Variants in NLGN1 observed in about 807,000 individuals in gnomAD.
NLGN1 encodes the protein neuroligin-1.
NLGN1 carries 12 observed loss-of-function variants against 65.5 expected under a neutral mutation model. That is an observed-to-expected ratio of 0.18 (90% confidence interval 0.12 to 0.30). NLGN1 has a LOEUF of 0.30. NLGN1 is among the 10% of genes least tolerant of loss of function. NLGN1 has a pLI of 1.00. For synonymous variants in NLGN1, 350 were observed against 359.5 expected (o/e 0.97, Z 0.30); for missense variants, 750 against 1,007.1 (o/e 0.74, Z 3.46).
chr3:173,771,449 GA>G (rs1215231731), intron 3 of NLGN1, among the ~76,000 whole-genome samples: 5 of 152,062 alleles, frequency 3.3e-5, no homozygotes, highest in Non-Finnish European at 7.4e-5. Context: ...TATAATTCAA[GA>G]AAAATTTAGA....
intron 4 of NLGN1, among the ~76,000 whole-genome samples, chr3:174,040,133 C>A (rs1371885008): frequency 6.6e-6 from 1 of 152,172 alleles, no homozygotes; most frequent in African/African-American, 2.4e-5. Flanking sequence ...ATACAGGTTG[C>A]CCCATTCCTC....
intron 4 of NLGN1, among the ~76,000 whole-genome samples, chr3:174,132,719 A>G (rs1720442516): frequency 6.6e-6 from 1 of 152,158 alleles, no homozygotes; most frequent in African/African-American, 2.4e-5. Context: ...TAATGAGATT[A>G]TTTTATATGA....
In NLGN1 at chr3:173,634,826, C is replaced by T. The variant is rs564744071; in HGVS notation, c.493+29735C>T. On this transcript the variant is annotated intron_variant, in intron 3 of 6. Transcript: ENST00000457714. ...ACATCTGAGACAGAGAGAGCTGGAC[C>T]AGGATAGGACTGAAGGAGGACTGAG... is the stretch of plus-strand genomic sequence containing the variant. Among the ~76,000 whole-genome samples the T allele has an allele frequency of 2.0e-5, 3 of 152,050 alleles. No individual in the cohort carries two copies. In the South Asian group the frequency reaches 6.2e-4, roughly 32 times the overall value.
chr3:174,014,317 T>A (rs545780639), intron 4 of NLGN1, among the ~76,000 whole-genome samples: 2 of 152,250 alleles, frequency 1.3e-5, no homozygotes, highest in African/African-American at 4.8e-5. Flanking sequence ...GACTTCTTAA[T>A]ACACCATTTT....
At chr3:173,596,585 A>G (rs1050507124) in intron 2 of NLGN1, among the ~76,000 whole-genome samples, 2 of 152,322 alleles carry the variant, frequency 1.3e-5, no homozygotes, top group Non-Finnish European at 2.9e-5. Flanking sequence ...AGTTAGCTCA[A>G]TGTTTAGCCC....
intron 4 of NLGN1, among the ~76,000 whole-genome samples, chr3:174,056,238 C>T (rs1440442857): frequency 6.6e-6 from 1 of 151,794 alleles, no homozygotes; most frequent in African/African-American, 2.4e-5. Flanking sequence ...TATATTTTGC[C>T]GTGATGTAAT....
At chr3:174,247,452 G>T (rs548032625) in intron 4 of NLGN1, among the ~76,000 whole-genome samples, 24 of 152,232 alleles carry the variant, frequency 1.6e-4, no homozygotes, top group Non-Finnish European at 3.4e-4. Flanking sequence ...TTAAGAGTCT[G>T]TCTCTCAAAA....
At chr3:173,698,090 C>CT (rs1273448176) in intron 3 of NLGN1, among the ~76,000 whole-genome samples, 1 of 149,824 alleles carries the variant, frequency 6.7e-6, no homozygotes, top group Non-Finnish European at 1.5e-5. Flanking sequence ...AGCTTAAAAA[C>CT]TTTTTCCCAT....
chr3:174,223,869 CCT>C (rs1467636832), intron 4 of NLGN1, among the ~76,000 whole-genome samples: 1 of 152,094 alleles, frequency 6.6e-6, no homozygotes, highest in East Asian at 1.9e-4. Flanking sequence ...GCATTTTCTC[CCT>C]GAGTTAATGA....
In NLGN1 at chr3:174,151,246, A is replaced by G. The variant is rs527382759; in HGVS notation, c.647-124069A>G. On this transcript the variant is annotated intron_variant, in intron 4 of 6. Transcript: ENST00000457714. ...CACTTACCCTCACTTTTACAAGCTT[A>G]ATAACATGTTTTTGTATAGTACCTT... Among the ~76,000 whole-genome samples, 7 of 152,184 alleles carry G rather than the reference A, an allele frequency of 4.6e-5. No homozygotes were observed. The South Asian group carries it at 1.0e-3, about 23-fold the overall frequency.
intron 4 of NLGN1, among the ~76,000 whole-genome samples, chr3:174,146,727 C>A (rs561389434): frequency 1.3e-5 from 2 of 151,918 alleles, no homozygotes; most frequent in African/African-American, 2.4e-5. Flanking sequence ...GCCACTGCGC[C>A]GGGCTAATTT....
At chr3:173,989,589 TCTCA>T (rs1692219120) in intron 4 of NLGN1, among the ~76,000 whole-genome samples, 1 of 152,190 alleles carries the variant, frequency 6.6e-6, no homozygotes, top group Non-Finnish European at 1.5e-5. Flanking sequence ...AAATCTCTGA[TCTCA>T]CTCACTATAA....
At chr3:173,429,719 CA>C (rs1482181510) in intron 1 of NLGN1, among the ~76,000 whole-genome samples, 39 of 152,308 alleles carry the variant, frequency 2.6e-4, no homozygotes, top group African/African-American at 8.2e-4. Flanking sequence ...CACTAGATGA[CA>C]CCCTTGCTCA....
chr3:173,517,787 T>TATCTATCTATCTATC (rs1376124852), intron 2 of NLGN1, among the ~76,000 whole-genome samples: 1 of 151,270 alleles, frequency 6.6e-6, no homozygotes, highest in East Asian at 1.9e-4. Flanking sequence ...TCTATCTATC[T>TATCTATCTATCTATC]ATCTATCTAT....
At chr3:173,992,310 A>G (rs1255060457) in intron 4 of NLGN1, among the ~76,000 whole-genome samples, 1 of 152,182 alleles carries the variant, frequency 6.6e-6, no homozygotes, top group Non-Finnish European at 1.5e-5. Flanking sequence ...GTGATCCACT[A>G]AAATGTGTCA....
intron 2 of NLGN1, among the ~76,000 whole-genome samples, chr3:173,596,317 G>A (rs1222185899): frequency 1.3e-5 from 2 of 152,074 alleles, no homozygotes; most frequent in Non-Finnish European, 2.9e-5. Context: ...AACTTTTGGG[G>A]GCTGCCCACG....
chr3:173,795,057 C>A (rs933712985), intron 3 of NLGN1, among the ~76,000 whole-genome samples: 11 of 152,006 alleles, frequency 7.2e-5, no homozygotes, highest in Non-Finnish European at 1.5e-5. Context: ...CTTCTTCCAA[C>A]ACAAAACTAA....
At chr3:173,798,459 C>T in intron 3 of NLGN1, among the ~76,000 whole-genome samples, 1 of 152,022 alleles carries the variant, frequency 6.6e-6, no homozygotes, top group Middle Eastern at 3.4e-3. Flanking sequence ...TATTCTGATT[C>T]AGCAATTTTA....
intron 3 of NLGN1, among the ~76,000 whole-genome samples, chr3:173,743,690 G>A (rs994403030): frequency 6.6e-6 from 1 of 152,122 alleles, no homozygotes; most frequent in African/African-American, 2.4e-5. Context: ...AATAACAGTA[G>A]CAGCAAGCTA....
Sources: gnomAD v4.1 joint callset for allele counts (sites outside exome capture counted in the v4.1 genomes callset) on GRCh38, gnomAD v4.1.1 for gene constraint, MANE v1.5 for transcripts, NCBI Gene and HGNC (gene_info 2026-07-23, HGNC 2026-07-21) for gene names.